Variants in MAP3K20 observed in about 807,000 individuals in gnomAD.
MAP3K20 encodes HCCS-4.
A neutral mutation model predicts 85.7 loss-of-function variants in MAP3K20; 40 were observed. The ratio of observed to expected loss-of-function variants is 0.47; its 90% confidence interval spans 0.36 to 0.61. The LOEUF is 0.61. Among genes scored for constraint, MAP3K20 ranks in the 20% least tolerant of loss-of-function variants. MAP3K20 has a pLI of 0.00. For synonymous variants in MAP3K20, 325 were observed against 327.7 expected (o/e 0.99, Z 0.09); for missense variants, 817 against 961.7 (o/e 0.85, Z 1.99).
At chr2:173,126,592 C>G (rs1413546521) in intron 2 of MAP3K20, among the ~76,000 whole-genome samples, 1 of 152,146 alleles carries the variant, frequency 6.6e-6, no homozygotes, top group Non-Finnish European at 1.5e-5. Flanking sequence ...GTTGGCCAGG[C>G]TGGTCTCAAA....
intron 3 of MAP3K20, among the ~76,000 whole-genome samples, chr2:173,175,621 C>T (rs990871410): frequency 2.0e-5 from 3 of 152,100 alleles, no homozygotes; most frequent in Non-Finnish European, 2.9e-5. Context: ...ATCTTCTTAA[C>T]CAAAACAAGA....
At chr2:173,167,998 T>A (rs1320410605) in intron 2 of MAP3K20, among the ~76,000 whole-genome samples, 1 of 152,166 alleles carries the variant, frequency 6.6e-6, no homozygotes, top group Non-Finnish European at 1.5e-5. Context: ...AAACAGTTGG[T>A]CCTACCACTT....
chr2:173,109,400 A>G (rs1687876989), intron 2 of MAP3K20, among the ~76,000 whole-genome samples: 1 of 152,192 alleles, frequency 6.6e-6, no homozygotes, highest in Non-Finnish European at 1.5e-5. Context: ...CTGTAGGTGA[A>G]AACCAGTACT....
intron 2 of MAP3K20, among the ~76,000 whole-genome samples, chr2:173,118,618 C>G (rs145326287): frequency 6.6e-6 from 1 of 152,032 alleles, no homozygotes; most frequent in Non-Finnish European, 1.5e-5. Flanking sequence ...CATGATCTTA[C>G]GGCATAAAGT....
rs570329018 is a variant in MAP3K20, at chr2:173,167,128, G to A, written c.160-2677G>A. Among the ~76,000 whole-genome samples the A allele has an allele frequency of 6.6e-5, 10 of 151,848 alleles. No individual in the cohort carries two copies. The East Asian group carries it at 1.7e-3, about 26-fold the overall frequency. On this transcript the variant is annotated intron_variant, in intron 2 of 19. Transcript: ENST00000375213. Reference sequence around the variant, plus strand: ...GACGGGGTTTCACCATATTAGCCAGGATGGTCTCGACCTCCTGACCTCGTG... The same window carrying A: ...GACGGGGTTTCACCATATTAGCCAGAATGGTCTCGACCTCCTGACCTCGTG...
rs1354373362 is a variant in MAP3K20, at chr2:173,267,333, T to C, written c.*583T>C. ...CTTTTTTCTTTTCTTTCTTTCCCCC[T>C]CTTTTTTTTGGATGTCCCCTTAAAT... On this transcript the variant is annotated 3_prime_UTR_variant, in exon 20 of 20. Transcript: ENST00000375213. 1 of 152,200 alleles carries C rather than the reference T, an allele frequency of 6.6e-6. No individual in the cohort carries two copies. The highest frequency in any genetic ancestry group is 2.4e-5 in the African/African-American group (1 of 41,444). 9.4% of individuals were successfully genotyped at this position (152,200 alleles called of 1,614,324 possible). A position where few individuals can be genotyped will look rare whatever the true frequency, so the allele number is the denominator to read the frequency against.
intron 11 of MAP3K20, chr2:173,223,623 TG>T (rs1684309899): frequency 3.0e-5 from 30 of 985,358 alleles, no homozygotes; most frequent in Non-Finnish European, 3.6e-5. Context: ...TTTTTTCTGT[TG>T]CTCTTTGAAA....
intron 2 of MAP3K20, among the ~76,000 whole-genome samples, chr2:173,167,176 A>G (rs1436435915): frequency 6.6e-6 from 1 of 151,876 alleles, no homozygotes; most frequent in East Asian, 1.9e-4. Context: ...CGGCCTCCCA[A>G]AGTGCTGGGA....
intron 7 of MAP3K20, among the ~76,000 whole-genome samples, chr2:173,194,200 A>G (rs1394018587): frequency 6.6e-6 from 1 of 152,204 alleles, no homozygotes; most frequent in Non-Finnish European, 1.5e-5. Flanking sequence ...TTCCATTCAG[A>G]AAAGTGTACA....
chr2:173,092,018 G>T (rs912090506), intron 2 of MAP3K20, among the ~76,000 whole-genome samples: 1 of 152,214 alleles, frequency 6.6e-6, no homozygotes, highest in Non-Finnish European at 1.5e-5. Context: ...TCTTTTTAAA[G>T]TGAACTTTCC....
chr2:173,195,881 G>T (rs1424202851), intron 7 of MAP3K20, among the ~76,000 whole-genome samples: 2 of 152,052 alleles, frequency 1.3e-5, no homozygotes, highest in African/African-American at 4.8e-5. Flanking sequence ...AAATGGAATT[G>T]GCTTATTTTT....
At chr2:173,229,538 T>G in intron 11 of MAP3K20, 151 bp from the exon 12 acceptor site, 1 of 854,110 alleles carries the variant, frequency 1.2e-6, no homozygotes, top group Non-Finnish European at 1.8e-6. Flanking sequence ...CCTCTTAAGG[T>G]CAGGAAAACT....
chr2:173,106,884 A>T (rs1687797308), intron 2 of MAP3K20, among the ~76,000 whole-genome samples: 1 of 152,138 alleles, frequency 6.6e-6, no homozygotes, highest in Admixed American at 6.5e-5. Flanking sequence ...GATTGTAGAG[A>T]GGTGCAGTTA....
intron 1 of MAP3K20, among the ~76,000 whole-genome samples, chr2:173,082,283 C>G (rs1181854363): frequency 1.3e-5 from 2 of 152,212 alleles, no homozygotes; most frequent in Non-Finnish European, 2.9e-5. Context: ...ACCAGAAATT[C>G]TTTCTGTAAC....
chr2:173,186,061 T>C (rs1690475899), intron 4 of MAP3K20, among the ~76,000 whole-genome samples: 1 of 152,258 alleles, frequency 6.6e-6, no homozygotes, highest in Non-Finnish European at 1.5e-5. Context: ...ATATGAAATA[T>C]TATTTAAATG....
At chr2:173,206,259 C>T (rs1683685085) in intron 9 of MAP3K20, among the ~76,000 whole-genome samples, 2 of 152,200 alleles carry the variant, frequency 1.3e-5, no homozygotes, top group South Asian at 4.1e-4. Context: ...CCACCTTACA[C>T]AACAAGAACA....
At chr2:173,128,833 TAAAATTTA>T (rs1688522177) in intron 2 of MAP3K20, among the ~76,000 whole-genome samples, 1 of 151,958 alleles carries the variant, frequency 6.6e-6, no homozygotes, top group Admixed American at 6.6e-5. Flanking sequence ...GTGGTAATTT[TAAAATTTA>T]AAAATTTCAA....
At chr2:173,173,849 T>C (rs950632541) in intron 3 of MAP3K20, among the ~76,000 whole-genome samples, 2 of 152,214 alleles carry the variant, frequency 1.3e-5, no homozygotes, top group African/African-American at 4.8e-5. Context: ...CAAAGCCAGC[T>C]ATTATCACCG....
At chr2:173,247,480 G>T (rs1480401102) in intron 16 of MAP3K20, among the ~76,000 whole-genome samples, 1 of 152,058 alleles carries the variant, frequency 6.6e-6, no homozygotes, top group African/African-American at 2.4e-5. Context: ...ACTTTACTTT[G>T]ATGTATCTTG....
Sources: gnomAD v4.1 joint callset for allele counts (sites outside exome capture counted in the v4.1 genomes callset) on GRCh38, gnomAD v4.1.1 for gene constraint, MANE v1.5 for transcripts, NCBI Gene and HGNC (gene_info 2026-07-23, HGNC 2026-07-21) for gene names.